The following PITPNC1 variants were observed in gnomAD, a reference collection of about 807,000 sequenced individuals.
The protein encoded by PITPNC1 is phosphatidylinositol transfer protein cytoplasmic 1.
PITPNC1 carries 18 observed loss-of-function variants against 44.7 expected under a neutral mutation model. The ratio of observed to expected loss-of-function variants is 0.40; its 90% confidence interval spans 0.28 to 0.60. PITPNC1 has a LOEUF of 0.60. Ranked by LOEUF, PITPNC1 falls within the 20% of genes least tolerant of loss-of-function variation. The pLI, the probability that PITPNC1 is intolerant of heterozygous loss-of-function variation, is 0.39. For synonymous variants in PITPNC1, 141 were observed against 149.6 expected, an observed-to-expected ratio of 0.94 and a Z score of 0.42; for missense variants, 290 against 418.4, an observed-to-expected ratio of 0.69 and a Z score of 2.68.
chr17:67,657,045 T>G (rs1204094840), intron 6 of PITPNC1, among the ~76,000 whole-genome samples: 1 of 152,102 alleles, frequency 6.6e-6, no homozygotes, highest in Non-Finnish European at 1.5e-5. Context: ...TTGGGAGGTG[T>G]TAAGGAGGAC....
At chr17:67,600,585 A>C (rs951533546) in intron 5 of PITPNC1, among the ~76,000 whole-genome samples, 6 of 152,120 alleles carry the variant, frequency 3.9e-5, no homozygotes, top group Non-Finnish European at 8.8e-5. Context: ...GGCTAGATAC[A>C]ACTGAAGAGA....
intron 1 of PITPNC1, among the ~76,000 whole-genome samples, chr17:67,519,260 TC>T (rs1237641419): frequency 6.9e-6 from 1 of 144,050 alleles, no homozygotes; most frequent in African/African-American, 2.6e-5. Flanking sequence ...CGCTGCAACT[TC>T]CGCCTCCTGG....
At chr17:67,429,833 G>C (rs559629652) in intron 1 of PITPNC1, among the ~76,000 whole-genome samples, 1 of 152,258 alleles carries the variant, frequency 6.6e-6, no homozygotes, top group African/African-American at 2.4e-5. Context: ...TTTTCTGAAA[G>C]AATATTTTAG....
At chr17:67,530,978 C>T (rs1225445185) in intron 1 of PITPNC1, among the ~76,000 whole-genome samples, 1 of 152,210 alleles carries the variant, frequency 6.6e-6, no homozygotes, top group Non-Finnish European at 1.5e-5. Context: ...CACTGTGGCT[C>T]ATGCCTGTAA....
At position 67,477,629 on chromosome 17, in the gene PITPNC1, G is replaced by T. The variant is rs2039649073; in HGVS notation, c.49-55173G>T. ...TGCCCAGGCTGGTCTTGAACTCCTG[G>T]CCTTAAGTGATCCTCCACCTCAGCC... On this transcript the variant is annotated intron_variant, in intron 1 of 8. Coordinates refer to ENST00000581322, the MANE Select transcript of PITPNC1 (RefSeq NM_012417.4). Among the ~76,000 whole-genome samples, 3 of 152,038 alleles carry T rather than the reference G, an allele frequency of 2.0e-5. No individual in the cohort carries two copies. The South Asian group carries it at 6.2e-4, about 32-fold the overall frequency.
At chr17:67,532,438 G>C (rs559798252) in intron 1 of PITPNC1, among the ~76,000 whole-genome samples, 1 of 152,236 alleles carries the variant, frequency 6.6e-6, no homozygotes, top group South Asian at 2.1e-4. Context: ...CACACCCTCG[G>C]CTGTCTTGGG....
At chr17:67,463,174 G>A (rs539939133) in intron 1 of PITPNC1, among the ~76,000 whole-genome samples, 1 of 53,816 alleles carries the variant, frequency 1.9e-5, no homozygotes, top group Admixed American at 1.6e-4. Flanking sequence ...ACATCCTGTA[G>A]TAATTCAGAC....
At chr17:67,560,513 G>A (rs71382139) in intron 4 of PITPNC1, among the ~76,000 whole-genome samples, 3,671 of 152,298 alleles carry the variant, frequency 0.024, 65 homozygotes, top group Middle Eastern at 0.054. Context: ...TGGGATGGCA[G>A]TGGGTTTGTG....
At chr17:67,660,534 ATTTATTTG>A (rs201556345) in intron 6 of PITPNC1, among the ~76,000 whole-genome samples, 32,503 of 149,246 alleles carry the variant, frequency 0.22, 4,122 homozygotes, top group African/African-American at 0.35. Context: ...TTATTTATTT[ATTTATTTG>A]TTTATTTATT....
At chr17:67,485,370 A>ATTT (rs56863875) in intron 1 of PITPNC1, among the ~76,000 whole-genome samples, 2 of 122,180 alleles carry the variant, frequency 1.6e-5, no homozygotes, top group African/African-American at 3.1e-5. Flanking sequence ...TAGTTGGGTG[A>ATTT]TTTTTTTTTT....
intron 1 of PITPNC1, among the ~76,000 whole-genome samples, chr17:67,527,887 G>C (rs958231894): frequency 2.0e-5 from 3 of 152,252 alleles, no homozygotes; most frequent in African/African-American, 7.2e-5. Context: ...TGTAGTCCCA[G>C]CTACTCAAGG....
At position 67,528,069 on chromosome 17, in the gene PITPNC1, G is replaced by T. The variant is rs140428975; in HGVS notation, c.49-4733G>T. Among the ~76,000 whole-genome samples the T allele has an allele frequency of 1.6e-4, 25 of 152,038 alleles. No individual in the cohort carries two copies. In the East Asian group the frequency reaches 4.8e-3, roughly 29 times the overall value. On this transcript the variant is annotated intron_variant, in intron 1 of 8. Coordinates refer to ENST00000581322, the MANE Select transcript of PITPNC1 (RefSeq NM_012417.4). ...TTGTTTTTGTTTTTTTGAGACAAAGGCTCCCTCTGTAGCCCAGGCTGGAGT... is the reference window on the plus strand; with the variant it reads ...TTGTTTTTGTTTTTTTGAGACAAAGTCTCCCTCTGTAGCCCAGGCTGGAGT...
At chr17:67,393,592 A>G (rs1022740624) in intron 1 of PITPNC1, among the ~76,000 whole-genome samples, 1 of 152,168 alleles carries the variant, frequency 6.6e-6, no homozygotes, top group Non-Finnish European at 1.5e-5. Context: ...AGTGACCTTC[A>G]CTTTTGCAGC....
intron 5 of PITPNC1, among the ~76,000 whole-genome samples, chr17:67,607,678 A>G (rs2041625918): frequency 6.6e-6 from 1 of 151,344 alleles, no homozygotes; most frequent in Admixed American, 6.6e-5. Context: ...AACCCCCCAG[A>G]ACCCTTTGAG....
At chr17:67,622,605 G>A (rs1041880497) in intron 5 of PITPNC1, among the ~76,000 whole-genome samples, 3 of 147,996 alleles carry the variant, frequency 2.0e-5, no homozygotes, top group Non-Finnish European at 3.0e-5. Flanking sequence ...AATAAACCAT[G>A]AACTGGCCAG....
At chr17:67,647,096 CT>C (rs2042157200) in intron 6 of PITPNC1, among the ~76,000 whole-genome samples, 1 of 152,098 alleles carries the variant, frequency 6.6e-6, no homozygotes, top group Non-Finnish European at 1.5e-5. Context: ...TAGGGAAAGA[CT>C]GGTATGTAGA....
intron 1 of PITPNC1, among the ~76,000 whole-genome samples, chr17:67,518,391 C>T (rs2040283709): frequency 6.6e-6 from 1 of 152,100 alleles, no homozygotes; most frequent in African/African-American, 2.4e-5. Context: ...CCTTCCAGCC[C>T]CCTAAGAATT....
chr17:67,687,299 C>G (rs1263668442), intron 8 of PITPNC1: 1 of 640,994 alleles, frequency 1.6e-6, no homozygotes, highest in African/African-American at 1.8e-5. Flanking sequence ...ATGTCGTCAC[C>G]CAGACCCTGT....
At chr17:67,686,992 A>G (rs1456604870) in intron 8 of PITPNC1, 6 of 835,726 alleles carry the variant, frequency 7.2e-6, no homozygotes, top group South Asian at 2.8e-5. Flanking sequence ...CTCAGCTACC[A>G]TCTTTCCCTA....
Sources: allele counts gnomAD v4.1 joint callset (sites outside exome capture counted in the v4.1 genomes callset), GRCh38; gene constraint gnomAD v4.1.1; transcripts MANE v1.5; gene names NCBI Gene and HGNC (gene_info 2026-07-23, HGNC 2026-07-21).